Variants in WDPCP observed in about 807,000 individuals in gnomAD.
The protein encoded by WDPCP is WD repeat containing planar cell polarity effector, also known as WD repeat-containing and planar cell polarity effector protein fritz homolog.
Under a neutral mutation model 93.1 loss-of-function variants are expected in WDPCP, and 71 were observed. The observed-to-expected ratio is 0.76, with a 90% CI of 0.63 to 0.93. The LOEUF (loss-of-function observed/expected upper bound fraction) is 0.93. WDPCP is among the 40% of genes least tolerant of loss of function. The pLI is 0.00. For missense variants in WDPCP, 844 were observed against 887.4 expected (o/e 0.95, Z 0.62); for synonymous variants, 315 against 315.0 (o/e 1.00, Z 0.00).
chr2:63,367,265 G>A (rs1690991473), intron 12 of WDPCP, among the ~76,000 whole-genome samples: 1 of 151,826 alleles, frequency 6.6e-6, no homozygotes, highest in Non-Finnish European at 1.5e-5. Flanking sequence ...AAAACAACAA[G>A]ATGCCAAATT....
chr2:63,812,433 C>A (rs13023873), intron 2 of WDPCP, among the ~76,000 whole-genome samples: 3 of 152,092 alleles, frequency 2.0e-5, no homozygotes, highest in Non-Finnish European at 4.4e-5. Context: ...TACCCACTAA[C>A]GGCATTGCTG....
chr2:63,441,629 T>A (rs1290252307), intron 6 of WDPCP: 1 of 151,590 alleles, frequency 6.6e-6, no homozygotes, highest in Non-Finnish European at 1.5e-5. Context: ...CCAGATAATT[T>A]GCAGTTACAA....
At chr2:63,441,347 C>T (rs1462035884) in intron 6 of WDPCP, 1 of 152,080 alleles carries the variant, frequency 6.6e-6, no homozygotes, top group Non-Finnish European at 1.5e-5. Flanking sequence ...CCCCAAATTC[C>T]TTCTCAGACG....
intron 9 of WDPCP, among the ~76,000 whole-genome samples, chr2:63,423,485 G>A (rs879182009): frequency 2.6e-5 from 4 of 152,128 alleles, no homozygotes; most frequent in African/African-American, 7.2e-5. Context: ...TTTTCATAAT[G>A]TTATGTTTCC....
chr2:63,288,467 T>C (rs765878220), intron 13 of WDPCP, among the ~76,000 whole-genome samples: 1 of 152,196 alleles, frequency 6.6e-6, no homozygotes, highest in African/African-American at 2.4e-5. Context: ...ATTGAGAGAA[T>C]GCATGTAATA....
In WDPCP at chr2:63,588,296, G is replaced by T. The variant is rs765123764; in HGVS notation, c.-25C>A. The T allele has an allele frequency of 6.4e-7, 1 of 1,564,238 alleles. No homozygotes were observed. ...TCACCAGACACTACCCCGGGCAGAA[G>T]GTTCCTAGGCTAGGTCCTCGGACCC... On this transcript the variant is annotated 5_prime_UTR_variant, in exon 1 of 18. Coordinates refer to ENST00000272321, the MANE Select transcript of WDPCP (RefSeq NM_015910.7).
intron 1 of WDPCP, among the ~76,000 whole-genome samples, chr2:63,575,389 GGT>G (rs1707884461): frequency 1.2e-4 from 3 of 24,920 alleles, no homozygotes; most frequent in African/African-American, 3.3e-4. Context: ...GTATATACAC[GGT>G]ATATACAGTA....
At position 63,722,657 on chromosome 2, in the gene WDPCP, T is replaced by TGGG. The variant is rs540659527; in HGVS notation, n.309-71822_309-71820dup. Among the ~76,000 whole-genome samples, 92 of 72,972 alleles carry TGGG rather than the reference T, an allele frequency of 1.3e-3. 5 individuals are homozygous for TGGG. Among genetic ancestry groups the TGGG allele is most frequent in the African/African-American group, 4.4e-3 (82 of 18,736 alleles). The allele number at this position is 72,972 out of a possible 152,430, so 47.9% of individuals were successfully genotyped here. A position where few individuals can be genotyped will look rare whatever the true frequency, so the allele number is the denominator to read the frequency against. On this transcript the variant is annotated intron_variant and non_coding_transcript_variant, in intron 2 of 4. Coordinates refer to the WDPCP transcript ENST00000467687. ...CCAGCCGCCCCGTCCGGGAGGGAGG[T>TGGG]GGGGGGGGGTCAGCCCCCCGCCCGG...
intron 2 of WDPCP, among the ~76,000 whole-genome samples, chr2:63,651,283 T>C (rs934367451): frequency 6.6e-5 from 10 of 152,096 alleles, no homozygotes; most frequent in African/African-American, 2.4e-4. Flanking sequence ...TATAAATACA[T>C]ACCAAAAATA....
At chr2:63,821,884 T>C (rs1419802584) in intron 1 of WDPCP, among the ~76,000 whole-genome samples, 5 of 152,006 alleles carry the variant, frequency 3.3e-5, no homozygotes, top group African/African-American at 1.2e-4. Flanking sequence ...TGAAGTTAAG[T>C]AGTAAGGATA....
chr2:63,565,287 A>C (rs1706955794), intron 1 of WDPCP, among the ~76,000 whole-genome samples: 1 of 152,228 alleles, frequency 6.6e-6, no homozygotes, highest in African/African-American at 2.4e-5. Context: ...AAAACTTATG[A>C]ATTTGTTATG....
At chr2:63,346,325 A>G (rs1689186927) in intron 12 of WDPCP, among the ~76,000 whole-genome samples, 1 of 151,800 alleles carries the variant, frequency 6.6e-6, no homozygotes, top group African/African-American at 2.4e-5. Context: ...TATATTATGA[A>G]CCTCCCATTT....
At chr2:63,721,399 T>C (rs749385569) in intron 2 of WDPCP, among the ~76,000 whole-genome samples, 10 of 152,198 alleles carry the variant, frequency 6.6e-5, no homozygotes, top group Non-Finnish European at 1.5e-4. Context: ...TTGTCTATTA[T>C]GGCCCAAGCC....
chr2:63,326,227 C>G (rs1037826686), intron 12 of WDPCP, among the ~76,000 whole-genome samples: 2 of 152,146 alleles, frequency 1.3e-5, no homozygotes, highest in African/African-American at 4.8e-5. Flanking sequence ...ACTTTTCTCC[C>G]AGAGGATGAG....
At chr2:63,643,949 G>C in intron 3 of WDPCP, 1 of 493,102 alleles carries the variant, frequency 2.0e-6, no homozygotes, top group Non-Finnish European at 4.1e-6. Context: ...GTGGGAACCA[G>C]TGGATGGATG....
At chr2:63,252,260 C>T (rs903035286) in intron 14 of WDPCP, among the ~76,000 whole-genome samples, 1 of 152,136 alleles carries the variant, frequency 6.6e-6, no homozygotes, top group African/African-American at 2.4e-5. Flanking sequence ...AAACCCTCAA[C>T]AAGCTAGGCA....
chr2:63,731,395 T>C (rs558171623), intron 2 of WDPCP, among the ~76,000 whole-genome samples: 71 of 152,292 alleles, frequency 4.7e-4, no homozygotes, highest in Non-Finnish European at 9.0e-4. Flanking sequence ...ATTAACCTAT[T>C]AACCATAATG....
chr2:63,131,370 C>G (rs780151423), intron 17 of WDPCP, among the ~76,000 whole-genome samples: 5 of 151,158 alleles, frequency 3.3e-5, no homozygotes, highest in Non-Finnish European at 5.9e-5. Flanking sequence ...AGATATTTTT[C>G]TTGGTGGCTA....
chr2:63,465,283 G>A (rs952641399), intron 6 of WDPCP, among the ~76,000 whole-genome samples: 8 of 152,024 alleles, frequency 5.3e-5, no homozygotes, highest in African/African-American at 1.7e-4. Context: ...AATAAAAACT[G>A]GCACAAATAG....
Sources: gnomAD v4.1 joint callset for allele counts (sites outside exome capture counted in the v4.1 genomes callset) on GRCh38, gnomAD v4.1.1 for gene constraint, MANE v1.5 for transcripts, NCBI Gene and HGNC (gene_info 2026-07-23, HGNC 2026-07-21) for gene names.